Variants in GLO1 observed in about 807,000 individuals in gnomAD.
The protein encoded by GLO1 is lactoylglutathione lyase.
A neutral mutation model predicts 26.0 loss-of-function variants in GLO1; 28 were observed. The ratio of observed to expected loss-of-function variants is 1.08; its 90% CI spans 0.80 to 1.48. The LOEUF is 1.48. Ranked by LOEUF, GLO1 falls within the 40% of genes most tolerant of loss-of-function variation. The pLI is 0.00. For synonymous variants in GLO1, 78 were observed against 77.6 expected (o/e 1.00, Z -0.03); for missense variants, 225 against 224.8 (o/e 1.00, Z -0.01).
At chr6:38,683,130 T>C in intron 3 of GLO1, 1 of 415,086 alleles carries the variant, frequency 2.4e-6, no homozygotes, top group South Asian at 4.9e-5. Context: ...TCATTTATTG[T>C]GCTAAGTACT....
chr6:38,690,539 CATT>C (rs1415279503), intron 1 of GLO1, among the ~76,000 whole-genome samples: 1 of 147,270 alleles, frequency 6.8e-6, no homozygotes, highest in Non-Finnish European at 1.5e-5. Context: ...CTTTTAAAAA[CATT>C]ATATATATAT....
intron 3 of GLO1, among the ~76,000 whole-genome samples, chr6:38,683,826 GC>G (rs1225361875): frequency 1.3e-5 from 2 of 152,164 alleles, no homozygotes; most frequent in Admixed American, 1.3e-4. Flanking sequence ...GGCAGAGCTT[GC>G]AGTGAGCCGA....
chr6:38,682,501 A>T (rs1761396709), intron 4 of GLO1, among the ~76,000 whole-genome samples: 1 of 152,124 alleles, frequency 6.6e-6, no homozygotes, highest in Non-Finnish European at 1.5e-5. Flanking sequence ...GCAGAAGTGT[A>T]TGTGCTAGCA....
In GLO1 at chr6:38,677,364, TGCCAG is replaced by T; in HGVS notation, c.481_485del (p.Leu161IlefsTer6). The T allele has an allele frequency of 6.6e-7, 1 of 1,521,970 alleles. No homozygotes were observed. Among genetic ancestry groups the T allele is most frequent in the African/African-American group, 1.4e-5 (1 of 73,120 alleles). 94.3% of individuals were successfully genotyped at this position (1,521,970 alleles called of 1,614,324 possible). ...AGTAGCCATCAGGATCTTGAATAAA[TGCCAG>T]GCCTTTCATTTTACCTGTAAAATGA... On this transcript the variant is annotated frameshift_variant, in exon 6 of 6. Transcript: ENST00000373365. LOFTEE classifies it high-confidence loss of function.
At chr6:38,678,082 C>A (rs1761291518) in intron 5 of GLO1, among the ~76,000 whole-genome samples, 1 of 152,206 alleles carries the variant, frequency 6.6e-6, no homozygotes, top group African/African-American at 2.4e-5. Context: ...CATACAAACC[C>A]TTTTAAATAC....
rs1761242845 is a variant in GLO1, at chr6:38,676,326, T to C, written c.*969A>G. On this transcript the variant is annotated 3_prime_UTR_variant, in exon 6 of 6. Coordinates refer to ENST00000373365, the MANE Select transcript of GLO1 (RefSeq NM_006708.3). The stretch of plus-strand genomic sequence containing the variant: ...TAGGGAAGACTCTTTATGAGAAATA[T>C]AAACATCACTTGTGTAGGAATCACC... 6.6e-6 allele frequency: 1 copy of C among 152,174 alleles called. No homozygotes were observed. Among genetic ancestry groups the C allele is most frequent in the Admixed American group, 6.5e-5 (1 of 15,284 alleles). 9.4% of individuals were successfully genotyped at this position (152,174 alleles called of 1,614,324 possible).
At chr6:38,698,534 C>T (rs1195611355) in intron 1 of GLO1, among the ~76,000 whole-genome samples, 3 of 148,796 alleles carry the variant, frequency 2.0e-5, no homozygotes, top group African/African-American at 7.4e-5. Flanking sequence ...TGAAAATGGA[C>T]ATTGGCAGTG....
At position 38,693,697 on chromosome 6, in the gene GLO1, ATATATAT is replaced by A. The variant is rs1219263464; in HGVS notation, c.85-6730_85-6724del. ...TCTCTCTCTCTCTCTATATATATATATATATATATTTGTTTTGTTTTGTTTTGTTTTG... is the reference window on the plus strand; with the variant it reads ...TCTCTCTCTCTCTCTATATATATATAATTTGTTTTGTTTTGTTTTGTTTTG... On this transcript the variant is annotated intron_variant, in intron 1 of 5. Transcript: ENST00000373365. Among the ~76,000 whole-genome samples, 287 of 140,464 alleles carry A rather than the reference ATATATAT, an allele frequency of 2.0e-3. 1 individual carries two copies. The highest frequency in any genetic ancestry group is 7.2e-3 in the African/African-American group (277 of 38,384). The allele number at this position is 140,464 out of a possible 152,430, so 92.1% of individuals were successfully genotyped here.
chr6:38,698,267 T>C (rs541923926), intron 1 of GLO1, among the ~76,000 whole-genome samples: 1 of 152,102 alleles, frequency 6.6e-6, no homozygotes. Context: ...AGTTCTCTGA[T>C]GTCATTATGC....
At chr6:38,694,246 C>T (rs1191787472) in intron 1 of GLO1, among the ~76,000 whole-genome samples, 1 of 151,386 alleles carries the variant, frequency 6.6e-6, no homozygotes, top group African/African-American at 2.4e-5. Flanking sequence ...TTTCTACAGA[C>T]ACTTGGAAAA....
chr6:38,693,683 C>CCATA (rs1554187294), intron 1 of GLO1, among the ~76,000 whole-genome samples: 1 of 82,442 alleles, frequency 1.2e-5, no homozygotes, highest in Non-Finnish European at 2.8e-5. Context: ...CTCTCTCTCT[C>CCATA]TCTATATATA....
rs573904301 is a variant in GLO1, at chr6:38,685,721, A to G, written c.167+1171T>C. ...TGCACCTACTAAAGCAGACTACACA[A>G]CCCTCATGGACCAATCAGTTGGGAC... On this transcript the variant is annotated intron_variant, in intron 2 of 5. Transcript: ENST00000373365. Among the ~76,000 whole-genome samples the G allele has an allele frequency of 3.3e-5, 5 of 152,288 alleles. No homozygotes were observed. The East Asian group carries it at 7.7e-4, about 23-fold the overall frequency.
intron 1 of GLO1, among the ~76,000 whole-genome samples, chr6:38,688,643 A>G (rs1172715202): frequency 6.6e-6 from 1 of 152,170 alleles, no homozygotes; most frequent in African/African-American, 2.4e-5. Context: ...ACACACAATC[A>G]CACAGACTTT....
At position 38,677,276 on chromosome 6, in the gene GLO1, A is replaced by G. The variant is rs1582771559; in HGVS notation, c.*19T>C. The G allele has an allele frequency of 9.0e-7, 1 of 1,114,832 alleles. No homozygotes were observed. The highest frequency in any genetic ancestry group is 1.5e-5 in the African/African-American group (1 of 65,438). The allele number at this position is 1,114,832 out of a possible 1,614,324, so 69.1% of individuals were successfully genotyped here. A position where few individuals can be genotyped will look rare whatever the true frequency, so the allele number is the denominator to read the frequency against. On this transcript the variant is annotated 3_prime_UTR_variant, in exon 6 of 6. Coordinates refer to ENST00000373365, the MANE Select transcript of GLO1 (RefSeq NM_006708.3). ...TTGTTTCCTTTCTTCTGAAATCTCA[A>G]AGGAGAATTCTCACAGCACTACATT...
chr6:38,701,280 T>G (rs1761694870), intron 1 of GLO1, among the ~76,000 whole-genome samples: 2 of 152,126 alleles, frequency 1.3e-5, no homozygotes, highest in Non-Finnish European at 2.9e-5. Context: ...TTGTTAGGAT[T>G]AAATTAAACA....
intron 1 of GLO1, chr6:38,687,213 C>T (rs1394646458): frequency 1.6e-5 from 7 of 447,886 alleles, no homozygotes; most frequent in Non-Finnish European, 2.1e-5. Flanking sequence ...AACCTGGCAT[C>T]CCTGTCCCTT....
chr6:38,696,920 C>CTT (rs71744977), intron 1 of GLO1, among the ~76,000 whole-genome samples: 7 of 140,102 alleles, frequency 5.0e-5, no homozygotes, highest in Non-Finnish European at 6.3e-5. Context: ...AAGCCTTCTT[C>CTT]TTTTTTTTTT....
chr6:38,691,158 A>T (rs1761524451), intron 1 of GLO1, among the ~76,000 whole-genome samples: 1 of 152,180 alleles, frequency 6.6e-6, no homozygotes. Context: ...TTTTATGCCT[A>T]AACTATCTTT....
chr6:38,683,025 G>A, intron 3 of GLO1, 150 bp from the exon 4 acceptor site: 1 of 578,412 alleles, frequency 1.7e-6, no homozygotes, highest in Admixed American at 3.1e-5. Context: ...TTCAACTATA[G>A]AAAGGACAAA....
Sources: allele counts gnomAD v4.1 joint callset (sites outside exome capture counted in the v4.1 genomes callset), GRCh38; gene constraint gnomAD v4.1.1; transcripts MANE v1.5; gene names NCBI Gene and HGNC (gene_info 2026-07-23, HGNC 2026-07-21).